PCDHGA6: variants seen among roughly 807,000 people sequenced by gnomAD.
The protein encoded by PCDHGA6 is protocadherin gamma-A6.
Under a neutral mutation model 60.6 loss-of-function variants are expected in PCDHGA6, and 41 were observed. That is an observed-to-expected ratio of 0.68 (90% CI 0.53 to 0.88). The LOEUF (loss-of-function observed/expected upper bound fraction) is 0.88. Among genes scored for constraint, PCDHGA6 ranks in the 40% least tolerant of loss-of-function variants. The probability of loss-of-function intolerance (pLI) is 0.00; values close to 1 mark genes in which losing one functional copy is unlikely to be tolerated. For missense variants in PCDHGA6, 1,312 were observed against 1,203.0 expected (o/e 1.09, Z -1.34); for synonymous variants, 594 against 524.4 (o/e 1.13, Z -1.81).
At position 141,490,707 on chromosome 5, in the gene PCDHGA6, C is replaced by T; in HGVS notation, c.2425-4100C>T. ...CAGACACTGGGGATAATGCCCGCCT[C>T]ACCTACTCCATTGTAGGAAATCAGG... On this transcript the variant is annotated intron_variant, in intron 1 of 3. Transcript: ENST00000517434. The surrounding 1 kb of genome is among the most constrained non-coding windows in gnomAD (Gnocchi z 5.4). The T allele has an allele frequency of 3.1e-6, 5 of 1,614,194 alleles. No individual in the cohort carries two copies. Among genetic ancestry groups the T allele is most frequent in the Non-Finnish European group, 3.4e-6 (4 of 1,180,008 alleles).
At chr5:141,410,196 C>T (rs773310778) in intron 1 of PCDHGA6, 3 of 1,613,984 alleles carry the variant, frequency 1.9e-6, no homozygotes, top group East Asian at 4.5e-5. Context: ...CTGGTCTTCG[C>T]AGACAACTTG....
rs779686795 is a variant in PCDHGA6, at chr5:141,476,566, G to A, written c.2425-18241G>A. On this transcript the variant is annotated intron_variant, in intron 1 of 3. Coordinates refer to ENST00000517434, the MANE Select transcript of PCDHGA6 (RefSeq NM_018919.3). The surrounding 1 kb of genome is among the most constrained non-coding windows in gnomAD (Gnocchi z 7.6). ...TGGAGATTAGCGAGGCCGTGGCTCC[G>A]GGGACGCGCTTTCCGCTCGAGAGCG... The A allele has an allele frequency of 1.2e-6, 2 of 1,614,062 alleles. No homozygotes were observed. Among genetic ancestry groups the A allele is most frequent in the East Asian group, 2.2e-5 (1 of 44,872 alleles).
Position 141,380,147 on chromosome 5 carries a change from G to A in PCDHGA6, c.2424+3640G>A, listed in dbSNP as rs191814510. On this transcript the variant is annotated intron_variant, in intron 1 of 3. Transcript: ENST00000517434. ...ACTCCTGACCTTAAGTGATCCACCC[G>A]CCTCAGCCTCTCAAAGGGCTGGGAT... Among the ~76,000 whole-genome samples the A allele has an allele frequency of 2.4e-3, 365 of 152,108 alleles. 1 individual carries two copies. Among genetic ancestry groups the A allele is most frequent in the Non-Finnish European group, 4.5e-3 (306 of 67,982 alleles).
chr5:141,449,724 A>AT (rs911465424), intron 1 of PCDHGA6, among the ~76,000 whole-genome samples: 1 of 151,176 alleles, frequency 6.6e-6, no homozygotes, highest in African/African-American at 2.4e-5. Context: ...ATATGATATG[A>AT]TTTTTTTATG....
At chr5:141,478,832 G>A in intron 1 of PCDHGA6, 1 of 1,435,464 alleles carries the variant, frequency 7.0e-7, no homozygotes, top group South Asian at 1.5e-5. Context: ...TCTTGCTAAG[G>A]GATGGTTAAG....
In PCDHGA6 at chr5:141,375,501, C is replaced by T; in HGVS notation, c.1418C>T (p.Ser473Phe). Residue 473 changes from serine to phenylalanine, a missense_variant, in exon 1 of 4, where the codon TCT (serine) becomes TTT (phenylalanine). By Grantham distance (155) the Ser-to-Phe change is radical (BLOSUM62 -2). Transcript: ENST00000517434. ...ENNPRGASIF[S>F]VNALDPDVDQ... ...AACCCCAGGGGTGCCTCCATCTTCTCTGTGAATGCACTGGACCCTGACGTG... is the reference window on the plus strand; with the variant it reads ...AACCCCAGGGGTGCCTCCATCTTCTTTGTGAATGCACTGGACCCTGACGTG... The T allele has an allele frequency of 6.2e-7, 1 of 1,614,040 alleles. No homozygotes were observed. Among genetic ancestry groups the T allele is most frequent in the Non-Finnish European group, 8.5e-7 (1 of 1,179,954 alleles).
At chr5:141,436,738 G>T (rs1207400781) in intron 1 of PCDHGA6, among the ~76,000 whole-genome samples, 2 of 152,306 alleles carry the variant, frequency 1.3e-5, no homozygotes, top group South Asian at 2.1e-4. Context: ...AATGATTTTT[G>T]TGTGCTTCTC....
intron 1 of PCDHGA6, among the ~76,000 whole-genome samples, chr5:141,456,287 C>T (rs951430060): frequency 1.3e-5 from 2 of 152,048 alleles, no homozygotes; most frequent in Non-Finnish European, 2.9e-5. Flanking sequence ...TGAAAAGGGG[C>T]GTCTAATGGA....
chr5:141,495,973 A>T, intron 2 of PCDHGA6, among the ~76,000 whole-genome samples: 1 of 146,986 alleles, frequency 6.8e-6, no homozygotes, highest in Admixed American at 6.8e-5. Flanking sequence ...TTTCTCTGTT[A>T]CTCTTTCTTT....
At position 141,471,056 on chromosome 5, in the gene PCDHGA6, T is replaced by C. The variant is rs1367189715; in HGVS notation, c.2425-23751T>C. On this transcript the variant is annotated intron_variant, in intron 1 of 3. Coordinates refer to ENST00000517434, the MANE Select transcript of PCDHGA6 (RefSeq NM_018919.3). ...ACAAGCCCAAGCCCTCTTTTTTTTT[T>C]TTTTTTTTTTGAGACAGGGTCTCCC... Among the ~76,000 whole-genome samples, 581 of 150,056 alleles carry C rather than the reference T, an allele frequency of 3.9e-3. 6 individuals are homozygous for C. Among genetic ancestry groups the C allele is most frequent in the Admixed American group, 0.011 (167 of 15,092 alleles).
chr5:141,384,139 A>G (rs1561600498), intron 1 of PCDHGA6: 1 of 1,612,786 alleles, frequency 6.2e-7, no homozygotes. Context: ...GGACCGGGAA[A>G]CACTCTCTTT....
chr5:141,394,290 G>A (rs759077173), intron 1 of PCDHGA6: 11 of 1,613,800 alleles, frequency 6.8e-6, no homozygotes, highest in Non-Finnish European at 8.5e-6. Context: ...CTCTGTGACC[G>A]AGGACACGCT....
At position 141,490,381 on chromosome 5, in the gene PCDHGA6, A is replaced by T. The variant is rs770046796; in HGVS notation, c.2425-4426A>T. 1 of 1,614,240 alleles carries T rather than the reference A, an allele frequency of 6.2e-7. No homozygotes were observed. The highest frequency in any genetic ancestry group is 1.1e-5 in the South Asian group (1 of 91,090). On this transcript the variant is annotated intron_variant, in intron 1 of 3. Coordinates refer to ENST00000517434, the MANE Select transcript of PCDHGA6 (RefSeq NM_018919.3). This position sits in a 1 kb window ranked among gnomAD's most constrained non-coding sequence, Gnocchi z 5.4. ...TAATGTGCGAGACCGGGACTCAGGT[A>T]GAAATGGTGAAGTGAGCCTTGATAT...
chr5:141,474,908 T>C (rs1016814167), intron 1 of PCDHGA6, among the ~76,000 whole-genome samples: 7 of 152,242 alleles, frequency 4.6e-5, no homozygotes, highest in African/African-American at 1.4e-4. Flanking sequence ...TGTTCAAGGA[T>C]ATACATCTCA....
At position 141,386,477 on chromosome 5, in the gene PCDHGA6, G is replaced by A. The variant is rs78371655; in HGVS notation, c.2424+9970G>A. ...GACAGCTTGAACCCAAGAATTGGAG[G>A]CCCACCTAGATAATATAACAAGACT... is the stretch of plus-strand genomic sequence containing the variant. On this transcript the variant is annotated intron_variant, in intron 1 of 3. Coordinates refer to ENST00000517434, the MANE Select transcript of PCDHGA6 (RefSeq NM_018919.3). Among the ~76,000 whole-genome samples the A allele has an allele frequency of 2.5e-3, 384 of 151,668 alleles. 1 individual carries two copies. Among genetic ancestry groups the A allele is most frequent in the African/African-American group, 8.8e-3 (362 of 41,292 alleles).
intron 1 of PCDHGA6, chr5:141,420,315 A>G (rs755723069): frequency 6.2e-6 from 9 of 1,440,144 alleles, no homozygotes; most frequent in Non-Finnish European, 8.4e-6. Context: ...TTATATTACA[A>G]TATGCCAATA....
In PCDHGA6 at chr5:141,375,428, C is replaced by A. The variant is rs749307933; in HGVS notation, c.1345C>A (p.Pro449Thr). The A allele has an allele frequency of 2.5e-6, 4 of 1,613,984 alleles. No homozygotes were observed. The highest frequency in any genetic ancestry group is 2.2e-5 in the East Asian group (1 of 44,878). ...SLNVADTNDN[P>T]PTFPHSSYSV... ...AAATGTGGCAGACACCAACGACAACCCGCCCACCTTCCCCCATTCATCCTA... is the reference window on the plus strand; with the variant it reads ...AAATGTGGCAGACACCAACGACAACACGCCCACCTTCCCCCATTCATCCTA... The change falls in exon 1 of 4, where the codon CCG (proline) becomes ACG (threonine). Residue 449 changes from proline to threonine, a missense_variant. Physicochemically the swap from Pro to Thr is conservative, Grantham distance 38 (BLOSUM62 -1). Transcript: ENST00000517434.
chr5:141,506,847 T>C lies in PCDHGA6; in HGVS notation c.2572+1366T>C, dbSNP rs146737657. ...GAACTGATAGCCCTGCCCTCCAGCA[T>C]GTCTGGAGGACTGGTGGGTAGAGAA... On this transcript the variant is annotated intron_variant, in intron 3 of 3. Coordinates refer to ENST00000517434, the MANE Select transcript of PCDHGA6 (RefSeq NM_018919.3). 3.7e-3 allele frequency among the ~76,000 whole-genome samples: 564 copies of C among 152,318 alleles called. 5 individuals are homozygous for C. Among genetic ancestry groups the C allele is most frequent in the Admixed American group, 0.011 (164 of 15,302 alleles).
rs79201149 is a variant in PCDHGA6, at chr5:141,386,596, T to C, written c.2424+10089T>C. Among the ~76,000 whole-genome samples, 402 of 139,140 alleles carry C rather than the reference T, an allele frequency of 2.9e-3. 2 individuals are homozygous for C. Among genetic ancestry groups the C allele is most frequent in the Non-Finnish European group, 4.9e-3 (319 of 65,706 alleles). The allele number at this position is 139,140 out of a possible 152,430, so 91.3% of individuals were successfully genotyped here. A position where few individuals can be genotyped will look rare whatever the true frequency, so the allele number is the denominator to read the frequency against. Reference sequence around the variant, plus strand: ...TCTGTACAATAGTGTGGGGGATACATTTTTTTTTTTTGACATGGAGTCTCG... The same window carrying C: ...TCTGTACAATAGTGTGGGGGATACACTTTTTTTTTTTGACATGGAGTCTCG... On this transcript the variant is annotated intron_variant, in intron 1 of 3. Transcript: ENST00000517434.
Sources: gnomAD v4.1 joint callset for allele counts (sites outside exome capture counted in the v4.1 genomes callset) on GRCh38, gnomAD v4.1.1 for gene constraint, Gnocchi (gnomAD v3.1) non-coding constraint, MANE v1.5 for transcripts, NCBI Gene and HGNC (gene_info 2026-07-23, HGNC 2026-07-21) for gene names.